PPM1L: variants seen among roughly 807,000 people sequenced by gnomAD.
PPM1L encodes the protein protein phosphatase 1L.
Under a neutral mutation model 31.4 loss-of-function variants are expected in PPM1L, and 13 were observed. The ratio of observed to expected loss-of-function variants is 0.41; its 90% confidence interval spans 0.27 to 0.66. The LOEUF is 0.66. Among genes scored for constraint, PPM1L ranks in the 30% least tolerant of loss-of-function variants. The probability of loss-of-function intolerance (pLI) is 0.29; values close to 1 mark genes in which losing one functional copy is unlikely to be tolerated. For synonymous variants in PPM1L, 184 were observed against 175.4 expected, an observed-to-expected ratio of 1.05 and a Z score of -0.39; for missense variants, 326 against 453.7, an observed-to-expected ratio of 0.72 and a Z score of 2.56.
intron 1 of PPM1L, among the ~76,000 whole-genome samples, chr3:160,792,375 T>C (rs985027409): frequency 4.6e-5 from 7 of 152,198 alleles, no homozygotes; most frequent in Non-Finnish European, 7.3e-5. Context: ...ATTTGGTAGC[T>C]TAGAATTCAG....
intron 2 of PPM1L, among the ~76,000 whole-genome samples, chr3:161,062,992 A>G (rs1387511727): frequency 1.3e-5 from 2 of 152,174 alleles, no homozygotes; most frequent in Non-Finnish European, 1.5e-5. Context: ...GAGTGAGAAG[A>G]GAAGAGAGTC....
chr3:161,005,081 C>T (rs1431940531), intron 2 of PPM1L, among the ~76,000 whole-genome samples: 2 of 151,988 alleles, frequency 1.3e-5, no homozygotes, highest in Non-Finnish European at 2.9e-5. Context: ...TTTATTTCTG[C>T]CTTCATTTTG....
Position 161,071,999 on chromosome 3 carries a change from G to A in PPM1L, c.*2842G>A, listed in dbSNP as rs1308125995. 6.6e-6 allele frequency: 1 copy of A among 152,216 alleles called. No individual in the cohort carries two copies. Among genetic ancestry groups the A allele is most frequent in the Admixed American group, 6.5e-5 (1 of 15,286 alleles). 9.4% of individuals were successfully genotyped at this position (152,216 alleles called of 1,614,324 possible). A position where few individuals can be genotyped will look rare whatever the true frequency, so the allele number is the denominator to read the frequency against. The stretch of plus-strand genomic sequence containing the variant: ...TTTGGGATGGTTTTACAGTCTTTTA[G>A]AAATGAAGACAGGAATGGCCATGTG... On this transcript the variant is annotated 3_prime_UTR_variant, in exon 4 of 4. Transcript: ENST00000498165.
intron 1 of PPM1L, among the ~76,000 whole-genome samples, chr3:160,910,625 T>A (rs1050898900): frequency 1.3e-5 from 2 of 152,192 alleles, no homozygotes; most frequent in African/African-American, 4.8e-5. Context: ...CCTGAAACTT[T>A]CAAGCTTTCA....
At position 160,756,732 on chromosome 3, in the gene PPM1L, AT is replaced by A; in HGVS notation, c.399+28del. 6.4e-7 allele frequency: 1 copy of A among 1,574,634 alleles called. No individual in the cohort carries two copies. The highest frequency in any genetic ancestry group is 8.6e-7 in the Non-Finnish European group (1 of 1,156,268). Reference sequence around the variant, plus strand: ...GGTAGGAGCTACCCCGGGGCTTTGTATTTGTGTCCGTGTATGTCTCGTGTGT... The same window carrying A: ...GGTAGGAGCTACCCCGGGGCTTTGTATTGTGTCCGTGTATGTCTCGTGTGT... On this transcript the variant is annotated intron_variant, in intron 1 of 3. Transcript: ENST00000498165. This position sits in a 1 kb window ranked among gnomAD's most constrained non-coding sequence, Gnocchi z 6.2.
chr3:161,062,294 T>C (rs1719596661), intron 2 of PPM1L, among the ~76,000 whole-genome samples: 1 of 152,176 alleles, frequency 6.6e-6, no homozygotes, highest in African/African-American at 2.4e-5. Flanking sequence ...GAGTGATCCA[T>C]TCTGGTTTTT....
intron 1 of PPM1L, among the ~76,000 whole-genome samples, chr3:160,959,170 C>T (rs1184072107): frequency 6.6e-6 from 1 of 152,100 alleles, no homozygotes; most frequent in East Asian, 1.9e-4. Flanking sequence ...CGTTGGAGAC[C>T]GTTGTTCTAT....
intron 1 of PPM1L, among the ~76,000 whole-genome samples, chr3:160,928,879 A>G (rs954675825): frequency 6.6e-6 from 1 of 152,034 alleles, no homozygotes; most frequent in African/African-American, 2.4e-5. Flanking sequence ...AATAAATTTG[A>G]TTTATAAAAT....
intron 1 of PPM1L, among the ~76,000 whole-genome samples, chr3:160,786,157 CTGTGTG>C (rs1239014226): frequency 1.2e-4 from 8 of 69,194 alleles, no homozygotes; most frequent in African/African-American, 5.8e-4. Flanking sequence ...CTCTCTCTCT[CTGTGTG>C]TGTGTGTGTG....
chr3:160,817,665 T>C (rs1195824342), intron 1 of PPM1L, among the ~76,000 whole-genome samples: 1 of 152,030 alleles, frequency 6.6e-6, no homozygotes, highest in Non-Finnish European at 1.5e-5. Flanking sequence ...TAAGTAAAGA[T>C]TTCAGTGCCT....
chr3:160,944,029 C>A (rs1715244651), intron 1 of PPM1L, among the ~76,000 whole-genome samples: 1 of 152,056 alleles, frequency 6.6e-6, no homozygotes, highest in South Asian at 2.1e-4. Context: ...CTTGTTGCAA[C>A]CATAAATCTT....
intron 1 of PPM1L, among the ~76,000 whole-genome samples, chr3:160,808,401 G>GTGTGCGCACGCGCA: frequency 6.7e-6 from 1 of 149,028 alleles, no homozygotes; most frequent in African/African-American, 2.5e-5. Flanking sequence ...GTGTGTGTGT[G>GTGTGCGCACGCGCA]TGTGTGTGTG....
intron 2 of PPM1L, among the ~76,000 whole-genome samples, chr3:161,036,871 A>T (rs1352998179): frequency 6.6e-6 from 1 of 152,228 alleles, no homozygotes; most frequent in Non-Finnish European, 1.5e-5. Context: ...GCCAAGAAAG[A>T]CATGGCTTCC....
intron 1 of PPM1L, among the ~76,000 whole-genome samples, chr3:160,834,045 A>G (rs1224990033): frequency 7.7e-6 from 1 of 129,420 alleles, no homozygotes; most frequent in Admixed American, 8.4e-5. Flanking sequence ...TTTTTTTGAG[A>G]CGGAGTCTTG....
At chr3:160,779,698 T>C (rs924415768) in intron 1 of PPM1L, among the ~76,000 whole-genome samples, 1 of 142,018 alleles carries the variant, frequency 7.0e-6, no homozygotes, top group African/African-American at 2.6e-5. Flanking sequence ...AATTTTTGTA[T>C]TTTTTTTTTT....
chr3:161,078,489 G>A lies in PPM1L; in HGVS notation c.*9332G>A, dbSNP rs1355512616. Reference sequence around the variant, plus strand: ...AATTGTACTTAATAAATAAATCACAGGTCAAAATGACTGTAAAATCAATCA... The same window carrying A: ...AATTGTACTTAATAAATAAATCACAAGTCAAAATGACTGTAAAATCAATCA... On this transcript the variant is annotated 3_prime_UTR_variant, in exon 4 of 4. Transcript: ENST00000498165. The A allele has an allele frequency of 6.6e-6, 1 of 152,138 alleles. No individual in the cohort carries two copies. The highest frequency in any genetic ancestry group is 1.5e-5 in the Non-Finnish European group (1 of 68,024). The allele number at this position is 152,138 out of a possible 1,614,324, so 9.4% of individuals were successfully genotyped here.
chr3:160,824,329 G>A (rs2886909), intron 1 of PPM1L, among the ~76,000 whole-genome samples: 82,998 of 152,114 alleles, frequency 0.55, 26,093 homozygotes, highest in African/African-American at 0.87. Context: ...CTAGAACTAT[G>A]AGAAATCAAT....
intron 1 of PPM1L, among the ~76,000 whole-genome samples, chr3:160,898,618 C>T (rs528388857): frequency 6.6e-6 from 1 of 152,118 alleles, no homozygotes; most frequent in Non-Finnish European, 1.5e-5. Flanking sequence ...CTTGCCTCAC[C>T]AAGTCGATAA....
intron 1 of PPM1L, among the ~76,000 whole-genome samples, chr3:160,873,708 TGGC>T (rs1295163208): frequency 6.6e-6 from 1 of 152,002 alleles, no homozygotes; most frequent in Non-Finnish European, 1.5e-5. Flanking sequence ...CCACCAAGCC[TGGC>T]TAATTTTTGT....
Sources: gnomAD v4.1 joint callset for allele counts (sites outside exome capture counted in the v4.1 genomes callset) on GRCh38, gnomAD v4.1.1 for gene constraint, Gnocchi (gnomAD v3.1) non-coding constraint, MANE v1.5 for transcripts, NCBI Gene and HGNC (gene_info 2026-07-23, HGNC 2026-07-21) for gene names.